The following GPAT3 variants were observed in gnomAD, a reference collection of about 807,000 sequenced individuals.
GPAT3 encodes glycerol-3-phosphate acyltransferase 3, also known as 1-AGP acyltransferase 9.
In GPAT3, 53 loss-of-function variants were observed where a neutral mutation model predicts 58.8. The ratio of observed to expected loss-of-function variants is 0.90; its 90% CI spans 0.72 to 1.13. The LOEUF is 1.13. Among genes scored for constraint, GPAT3 ranks in the 50% most tolerant of loss-of-function variants. The pLI is 0.00. For missense variants in GPAT3, 511 were observed against 527.6 expected, an observed-to-expected ratio of 0.97 and a Z score of 0.31; for synonymous variants, 197 against 187.4, an observed-to-expected ratio of 1.05 and a Z score of -0.42.
At chr4:83,579,891 T>C (rs1475463072) in intron 2 of GPAT3, among the ~76,000 whole-genome samples, 2 of 152,200 alleles carry the variant, frequency 1.3e-5, no homozygotes, top group East Asian at 3.8e-4. Flanking sequence ...CTTTCCGGGA[T>C]AGGTAATACA....
At chr4:83,545,023 T>A (rs1010197544) in intron 2 of GPAT3, among the ~76,000 whole-genome samples, 1 of 152,188 alleles carries the variant, frequency 6.6e-6, no homozygotes, top group East Asian at 1.9e-4. Flanking sequence ...TGAAGGCTAA[T>A]TGGTAATACA....
chr4:83,596,273 G>A (rs530335395), intron 7 of GPAT3, among the ~76,000 whole-genome samples: 3 of 152,152 alleles, frequency 2.0e-5, no homozygotes, highest in African/African-American at 7.2e-5. Context: ...CATGACTCTA[G>A]AGTCAAATGA....
rs189213337 is a variant in GPAT3, at chr4:83,580,355, G to A, written c.209-1207G>A. 1.5e-3 allele frequency among the ~76,000 whole-genome samples: 230 copies of A among 152,002 alleles called. 1 individual carries two copies. Among genetic ancestry groups the A allele is most frequent in the African/African-American group, 5.3e-3 (221 of 41,462 alleles). Reference sequence around the variant, plus strand: ...GAGTGAAACTATAGTTTTAGATTCCGTCTTTTCTTGATTAACATTATAGTA... The same window carrying A: ...GAGTGAAACTATAGTTTTAGATTCCATCTTTTCTTGATTAACATTATAGTA... On this transcript the variant is annotated intron_variant, in intron 2 of 11. Transcript: ENST00000264409.
chr4:83,547,499 A>G (rs112979568), intron 2 of GPAT3, among the ~76,000 whole-genome samples: 102,290 of 150,516 alleles, frequency 0.68, 36,656 homozygotes, highest in African/African-American at 0.92. Flanking sequence ...TGATCTGCCC[A>G]CCTCGGCCTC....
chr4:83,552,346 C>G (rs1205767749), intron 2 of GPAT3, among the ~76,000 whole-genome samples: 1 of 152,210 alleles, frequency 6.6e-6, no homozygotes, highest in East Asian at 1.9e-4. Context: ...CCTGGGGGCA[C>G]TTCTCTCTCC....
chr4:83,559,390 C>A (rs1191447667), intron 2 of GPAT3, among the ~76,000 whole-genome samples: 3 of 152,028 alleles, frequency 2.0e-5, no homozygotes, highest in Admixed American at 6.6e-5. Flanking sequence ...GTGACCCAGT[C>A]TCTGCTCACT....
chr4:83,554,593 T>C (rs1374971464), intron 2 of GPAT3, among the ~76,000 whole-genome samples: 1 of 152,144 alleles, frequency 6.6e-6, no homozygotes, highest in Non-Finnish European at 1.5e-5. Flanking sequence ...TTAATCATGA[T>C]TTTACTTGCT....
intron 11 of GPAT3, among the ~76,000 whole-genome samples, chr4:83,601,142 C>T (rs1004572251): frequency 3.9e-5 from 6 of 152,132 alleles, no homozygotes; most frequent in Non-Finnish European, 5.9e-5. Flanking sequence ...TGACCTTAAG[C>T]AAAATGACTT....
At chr4:83,562,530 G>T (rs1414543433) in intron 2 of GPAT3, among the ~76,000 whole-genome samples, 1 of 151,698 alleles carries the variant, frequency 6.6e-6, no homozygotes, top group African/African-American at 2.4e-5. Flanking sequence ...CAGAGCAGTG[G>T]GATTGGTGGA....
chr4:83,562,236 A>ATAATAT (rs1189594840), intron 2 of GPAT3, among the ~76,000 whole-genome samples: 2 of 74,090 alleles, frequency 2.7e-5, no homozygotes, highest in African/African-American at 5.3e-5. Context: ...ATATATATAT[A>ATAATAT]ATATATATAT....
At chr4:83,587,114 A>G (rs980533294) in intron 3 of GPAT3, 141 bp from the exon 4 acceptor site, 7 of 666,492 alleles carry the variant, frequency 1.1e-5, no homozygotes, top group Non-Finnish European at 1.8e-5. Flanking sequence ...ATATAGATTT[A>G]CCCAGTTATT....
At chr4:83,588,577 G>T (rs1726474951) in intron 5 of GPAT3, among the ~76,000 whole-genome samples, 1 of 152,194 alleles carries the variant, frequency 6.6e-6, no homozygotes, top group Non-Finnish European at 1.5e-5. Flanking sequence ...ATCCCTATGA[G>T]ATAGGCACTG....
At chr4:83,593,324 C>T (rs1349408277) in intron 6 of GPAT3, among the ~76,000 whole-genome samples, 1 of 151,632 alleles carries the variant, frequency 6.6e-6, no homozygotes, top group Non-Finnish European at 1.5e-5. Context: ...ATCACCACAC[C>T]CAGCTAATTT....
At position 83,587,301 on chromosome 4, in the gene GPAT3, A is replaced by G. The variant is rs1355562150; in HGVS notation, c.526A>G (p.Thr176Ala). The change falls in exon 4 of 12, where the codon ACA becomes GCA. Residue 176 changes from threonine (T) to alanine (A), a missense_variant. By Grantham distance (58) the Thr-to-Ala change is moderately conservative (BLOSUM62 0). Coordinates refer to ENST00000264409, the MANE Select transcript of GPAT3 (RefSeq NM_032717.5). ...IGISLLVIGT[T>A]LVGQLPDSSL... is the part of the protein sequence containing the mutation. The stretch of plus-strand genomic sequence containing the variant: ...GATCAGTTTGCTGGTTATAGGAACT[A>G]CACTGGTTGGGCAGCTGCCAGACAG... 2.5e-6 allele frequency: 4 copies of G among 1,613,908 alleles called. No individual in the cohort carries two copies. The Admixed American group carries it at 6.7e-5, about 27-fold the overall frequency.
Position 83,604,654 on chromosome 4 carries a change from C to T in GPAT3, c.1206-14C>T, listed in dbSNP as rs746903306. 2 of 1,603,646 alleles carry T rather than the reference C, an allele frequency of 1.2e-6. No homozygotes were observed. The highest frequency in any genetic ancestry group is 1.7e-6 in the Non-Finnish European group (2 of 1,172,056). ...TGTAAAGTATCTTTTATGTATTTGT[C>T]TTTCTGTTTGCAGGGATGGAGGACT... On this transcript the variant is annotated splice_polypyrimidine_tract_variant and intron_variant, in intron 11 of 11. Coordinates refer to ENST00000264409, the MANE Select transcript of GPAT3 (RefSeq NM_032717.5).
At chr4:83,578,922 T>TTTCTTTCTTTC (rs1461796486) in intron 2 of GPAT3, among the ~76,000 whole-genome samples, 13,693 of 41,494 alleles carry the variant, frequency 0.33, 1,914 homozygotes, top group South Asian at 0.52. Flanking sequence ...TCTTTTTTCT[T>TTTCTTTCTTTC]TTCTTTCTTT....
At chr4:83,603,088 A>T (rs1434428657) in intron 11 of GPAT3, among the ~76,000 whole-genome samples, 2 of 152,222 alleles carry the variant, frequency 1.3e-5, no homozygotes, top group Admixed American at 1.3e-4. Context: ...ACCTACGATC[A>T]TTCACCATCA....
At chr4:83,549,825 A>C (rs1724687230) in intron 2 of GPAT3, among the ~76,000 whole-genome samples, 1 of 151,614 alleles carries the variant, frequency 6.6e-6, no homozygotes, top group South Asian at 2.1e-4. Context: ...TGGGTTCAAG[A>C]GATTCTCCCA....
chr4:83,551,287 G>A (rs112013839), intron 2 of GPAT3, among the ~76,000 whole-genome samples: 5 of 151,954 alleles, frequency 3.3e-5, no homozygotes, highest in Non-Finnish European at 7.4e-5. Flanking sequence ...AAACCATATT[G>A]AGAGAAAAGA....
Sources: allele counts gnomAD v4.1 joint callset (sites outside exome capture counted in the v4.1 genomes callset), GRCh38; gene constraint gnomAD v4.1.1; transcripts MANE v1.5; gene names NCBI Gene and HGNC (gene_info 2026-07-23, HGNC 2026-07-21).